The following DUSP8 variants were observed in gnomAD, a reference collection of about 807,000 sequenced individuals.
DUSP8 encodes dual specificity protein phosphatase 8.
In DUSP8, 15 loss-of-function variants were observed where a neutral mutation model predicts 38.7. The observed-to-expected ratio is 0.39, with a 90% confidence interval of 0.26 to 0.60. The LOEUF is 0.60. DUSP8 is among the 20% of genes least tolerant of loss of function. The probability of loss-of-function intolerance (pLI) is 0.56; values close to 1 mark genes in which losing one functional copy is unlikely to be tolerated. For synonymous variants in DUSP8, 458 were observed against 433.9 expected (o/e 1.06, Z -0.69); for missense variants, 768 against 915.0 (o/e 0.84, Z 2.07).
chr11:1,560,335 C>A (rs900894938), intron 3 of DUSP8, among the ~76,000 whole-genome samples: 3 of 152,116 alleles, frequency 2.0e-5, no homozygotes, highest in Non-Finnish European at 4.4e-5. Flanking sequence ...GTGCCCACTG[C>A]CTGCCCCGCG....
rs182106108 is a variant in DUSP8 at position 1,564,602 on chromosome 11, G to A, written c.232-613C>T. ...CCAAGGGCCAGCCCAGATGTTGAGC[G>A]GCTTTTGCTCAGACAGCACCGGTGC... On this transcript the variant is annotated intron_variant, in intron 2 of 6. Transcript: ENST00000397374. 2.1e-3 allele frequency among the ~76,000 whole-genome samples: 325 copies of A among 152,310 alleles called. 2 individuals are homozygous for A. Among genetic ancestry groups the A allele is most frequent in the African/African-American group, 7.3e-3 (305 of 41,572 alleles).
chr11:1,566,479 G>T (rs1253386446), intron 1 of DUSP8, among the ~76,000 whole-genome samples: 1 of 152,164 alleles, frequency 6.6e-6, no homozygotes, highest in Non-Finnish European at 1.5e-5. Flanking sequence ...CCTGGTGGAT[G>T]GTGGCCTTGG....
intron 3 of DUSP8, among the ~76,000 whole-genome samples, chr11:1,561,263 T>A (rs1848712659): frequency 6.6e-6 from 1 of 152,172 alleles, no homozygotes; most frequent in Non-Finnish European, 1.5e-5. Context: ...GGGCAGCGCC[T>A]GCAGTTCACC....
chr11:1,554,188 G>A lies in DUSP8; in HGVS notation c.*2330C>T, dbSNP rs1848584151. ...CCGGCAGCCCAGTCTACAGAGACTGGAGGCTCAGCGGGGGACCTGCACCCT... is the reference window on the plus strand; with the variant it reads ...CCGGCAGCCCAGTCTACAGAGACTGAAGGCTCAGCGGGGGACCTGCACCCT... On this transcript the variant is annotated 3_prime_UTR_variant, in exon 7 of 7. Coordinates refer to ENST00000397374, the MANE Select transcript of DUSP8 (RefSeq NM_004420.3). 6.6e-6 allele frequency: 1 copy of A among 152,644 alleles called. No individual in the cohort carries two copies. The highest frequency in any genetic ancestry group is 1.5e-5 in the Non-Finnish European group (1 of 68,290). 9.5% of individuals were successfully genotyped at this position (152,644 alleles called of 1,614,324 possible). A position where few individuals can be genotyped will look rare whatever the true frequency, so the allele number is the denominator to read the frequency against.
rs1848660497 is a variant in DUSP8, at chr11:1,557,823, G to C, written c.792C>G (p.Thr264=). The C allele has an allele frequency of 1.2e-6, 2 of 1,613,614 alleles. No individual in the cohort carries two copies. The highest frequency in any genetic ancestry group is 1.1e-5 in the South Asian group (1 of 91,066). The change falls in exon 6 of 7, where the codon ACC becomes ACG. Residue 264 remains threonine, a synonymous_variant. Transcript: ENST00000397374. The surrounding 1 kb of genome is among the most constrained non-coding windows in gnomAD (Gnocchi z 9.9). ...AGGCGTCGTCGGAGGACATGCCCAT[G>C]GTCTTCATGATGTAGGCGATGGCGA... The part of the protein sequence containing the change: ...ATIAIAYIMK[T]MGMSSDDAYR...
chr11:1,561,766 G>A (rs889642700), intron 3 of DUSP8, among the ~76,000 whole-genome samples: 2 of 152,198 alleles, frequency 1.3e-5, no homozygotes, highest in African/African-American at 2.4e-5. Context: ...CCTGTGCCGC[G>A]GGATCCTGGA....
At chr11:1,570,705 G>A (rs2133452700) in intron 1 of DUSP8, among the ~76,000 whole-genome samples, 1 of 152,316 alleles carries the variant, frequency 6.6e-6, no homozygotes, top group East Asian at 1.9e-4. Context: ...TCCAGCTGGG[G>A]TCACATGATC....
upstream of DUSP8, among the ~76,000 whole-genome samples, chr11:1,572,542 G>A (rs1848924341): frequency 6.6e-6 from 1 of 151,718 alleles, no homozygotes; most frequent in South Asian, 2.1e-4. This position sits in a 1 kb window ranked among gnomAD's most constrained non-coding sequence, Gnocchi z 4.7. Flanking sequence ...CCGCCTCCAG[G>A]AAGCCCTCCC....
At position 1,556,444 on chromosome 11, in the gene DUSP8, T is replaced by C; in HGVS notation, c.*74A>G. The C allele has an allele frequency of 1.6e-6, 2 of 1,229,714 alleles. No individual in the cohort carries two copies. Among genetic ancestry groups the C allele is most frequent in the Non-Finnish European group, 2.0e-6 (2 of 986,388 alleles). 76.2% of individuals were successfully genotyped at this position (1,229,714 alleles called of 1,614,324 possible). Reference sequence around the variant, plus strand: ...AAAATCCCAGTAAAACCATTTACCTTTCTTTGCATTATATATAATATACAT... The same window carrying C: ...AAAATCCCAGTAAAACCATTTACCTCTCTTTGCATTATATATAATATACAT... On this transcript the variant is annotated 3_prime_UTR_variant, in exon 7 of 7. Coordinates refer to ENST00000397374, the MANE Select transcript of DUSP8 (RefSeq NM_004420.3). The surrounding 1 kb of genome is among the most constrained non-coding windows in gnomAD (Gnocchi z 5.2).
rs763720271 is a variant in DUSP8, at chr11:1,557,770, G to T, written c.821+24C>A. ...AGGGAAGCGACGCTGTGAGCCACAA[G>T]TGCGCGACTGGGGAAGGTGGTACCT... On this transcript the variant is annotated intron_variant, in intron 6 of 6. Transcript: ENST00000397374. The surrounding 1 kb of genome is among the most constrained non-coding windows in gnomAD (Gnocchi z 9.9). 1.2e-5 allele frequency: 19 copies of T among 1,611,986 alleles called. No homozygotes were observed. Among genetic ancestry groups the T allele is most frequent in the Non-Finnish European group, 1.5e-5 (18 of 1,179,864 alleles).
chr11:1,569,403 C>A (rs1476853063), intron 1 of DUSP8, among the ~76,000 whole-genome samples: 7 of 152,154 alleles, frequency 4.6e-5, no homozygotes, highest in Non-Finnish European at 1.0e-4. Context: ...TCTTTGCACA[C>A]CCACTCCACA....
intron 3 of DUSP8, chr11:1,559,347 C>A: frequency 3.0e-6 from 1 of 334,680 alleles, no homozygotes; most frequent in Non-Finnish European, 5.4e-6. Context: ...GTAAAGGTGG[C>A]GTTGAGGTGG....
chr11:1,566,545 G>A lies in DUSP8; in HGVS notation c.-108-611C>T, dbSNP rs548404903. ...GGGCAGCCGGATAGCAGGCGGGTGCGGGAGGGGCTCAGGCACAGAGGCACG... is the reference window on the plus strand; with the variant it reads ...GGGCAGCCGGATAGCAGGCGGGTGCAGGAGGGGCTCAGGCACAGAGGCACG... On this transcript the variant is annotated intron_variant, in intron 1 of 6. Coordinates refer to ENST00000397374, the MANE Select transcript of DUSP8 (RefSeq NM_004420.3). Among the ~76,000 whole-genome samples, 6 of 152,284 alleles carry A rather than the reference G, an allele frequency of 3.9e-5. No homozygotes were observed. The East Asian group carries it at 9.7e-4, about 25-fold the overall frequency.
chr11:1,565,639 T>A lies in DUSP8; in HGVS notation c.188A>T (p.Lys63Met). The A allele has an allele frequency of 6.2e-7, 1 of 1,610,862 alleles. No homozygotes were observed. The highest frequency in any genetic ancestry group is 8.5e-7 in the Non-Finnish European group (1 of 1,179,234). ...CTGGATGAGCTCCGCAATGGTCACC[T>A]TGCCCTGCTGCAGCCGCCGCTTCAC... ...KLVKRRLQQG[K>M]VTIAELIQPA... Residue 63 changes from lysine (K) to methionine (M), a missense_variant, in exon 2 of 7, where the codon AAG (lysine) becomes ATG (methionine). This residue lies in a region of DUSP8 where 252 missense variants were observed against 410.4 expected (regional missense o/e 0.61). Coordinates refer to ENST00000397374, the MANE Select transcript of DUSP8 (RefSeq NM_004420.3).
At position 1,557,837 on chromosome 11, in the gene DUSP8, A is replaced by G; in HGVS notation, c.778T>C (p.Tyr260His). The G allele has an allele frequency of 6.2e-7, 1 of 1,613,862 alleles. No homozygotes were observed. The highest frequency in any genetic ancestry group is 8.5e-7 in the Non-Finnish European group (1 of 1,180,012). Reference sequence around the variant, plus strand: ...GACATGCCCATGGTCTTCATGATGTAGGCGATGGCGATGGTGGCAGAGCGG... The same window carrying G: ...GACATGCCCATGGTCTTCATGATGTGGGCGATGGCGATGGTGGCAGAGCGG... Reference protein sequence around the residue: ...ISRSATIAIAYIMKTMGMSSD... With the variant: ...ISRSATIAIAHIMKTMGMSSD... The change falls in exon 6 of 7, where the codon TAC becomes CAC. Residue 260 changes from tyrosine (Y) to histidine (H), a missense_variant. Around this residue, in one of 3 missense-constraint regions of DUSP8, gnomAD observed 252 missense variants for 410.4 expected, o/e 0.61. Transcript: ENST00000397374. The surrounding 1 kb of genome is among the most constrained non-coding windows in gnomAD (Gnocchi z 9.9).
rs1848619924 is a variant in DUSP8, at chr11:1,556,197, C to G, written c.*321G>C. ...GTGCACGAAAGCTCGGCAGCCTTTG[C>G]AAAGGTCAGCAGTGTTTCCTGGGGC... On this transcript the variant is annotated 3_prime_UTR_variant, in exon 7 of 7. Coordinates refer to ENST00000397374, the MANE Select transcript of DUSP8 (RefSeq NM_004420.3). This position sits in a 1 kb window ranked among gnomAD's most constrained non-coding sequence, Gnocchi z 5.2. 3.7e-6 allele frequency: 1 copy of G among 267,256 alleles called. No homozygotes were observed. Among genetic ancestry groups the G allele is most frequent in the African/African-American group, 2.2e-5 (1 of 45,408 alleles). The allele number at this position is 267,256 out of a possible 1,614,324, so 16.6% of individuals were successfully genotyped here.
Position 1,558,964 on chromosome 11 carries a change from C to T in DUSP8, c.462G>A (p.Leu154=). 6.2e-7 allele frequency: 1 copy of T among 1,612,808 alleles called. No individual in the cohort carries two copies. Among genetic ancestry groups the T allele is most frequent in the Non-Finnish European group, 8.5e-7 (1 of 1,179,868 alleles). Residue 154 remains leucine, a synonymous_variant, in exon 4 of 7, where the codon CTG becomes CTA. Coordinates refer to ENST00000397374, the MANE Select transcript of DUSP8 (RefSeq NM_004420.3). The surrounding 1 kb of genome is among the most constrained non-coding windows in gnomAD (Gnocchi z 6.3). ...LLPMSLSQPC[L]PVPSVGLTRI... ...GGGTCAGGCCCACGCTGGGCACAGG[C>T]AGGCAGGGCTGGGAGAGGCTCATGG...
Position 1,555,397 on chromosome 11 carries a change from G to T in DUSP8, c.*1121C>A. Reference sequence around the variant, plus strand: ...CAGCACAGGGGCTTGGCTGGCGCCTGAACTCCCTGTGTGAGCAGCACCTGC... The same window carrying T: ...CAGCACAGGGGCTTGGCTGGCGCCTTAACTCCCTGTGTGAGCAGCACCTGC... On this transcript the variant is annotated 3_prime_UTR_variant, in exon 7 of 7. Transcript: ENST00000397374. The T allele has an allele frequency of 1.0e-6, 1 of 986,958 alleles. No individual in the cohort carries two copies. The highest frequency in any genetic ancestry group is 1.7e-5 in the African/African-American group (1 of 57,344). 61.1% of individuals were successfully genotyped at this position (986,958 alleles called of 1,614,324 possible).
Position 1,555,633 on chromosome 11 carries a change from A to G in DUSP8, c.*885T>C, listed in dbSNP as rs12576976. ...CCGGAGGCCAAGCTCCTCTCCTGCA[A>G]TGGTGCCACCCTGCCCGGCAGGCAG... On this transcript the variant is annotated 3_prime_UTR_variant, in exon 7 of 7. Transcript: ENST00000397374. The G allele has an allele frequency of 0.69, 148,335 of 213,658 alleles. 52,299 individuals carry two copies. The highest frequency in any genetic ancestry group is 0.74 in the Non-Finnish European group (91,747 of 124,298). 13.2% of individuals were successfully genotyped at this position (213,658 alleles called of 1,614,324 possible).
Sources: allele counts gnomAD v4.1 joint callset (sites outside exome capture counted in the v4.1 genomes callset), GRCh38; gene constraint gnomAD v4.1.1; regional missense constraint gnomAD v4.1.1; non-coding constraint Gnocchi (gnomAD v3.1); transcripts MANE v1.5; gene names NCBI Gene and HGNC (gene_info 2026-07-23, HGNC 2026-07-21).